ABHD8: variants seen among roughly 807,000 people sequenced by gnomAD.
The protein encoded by ABHD8 is abhydrolase domain containing 8.
Under a neutral mutation model 29.3 loss-of-function variants are expected in ABHD8, and 10 were observed. That is an observed-to-expected ratio of 0.34 (90% CI 0.21 to 0.58). ABHD8 has a LOEUF of 0.58. ABHD8 is among the 20% of genes least tolerant of loss of function. The pLI is 0.85. For synonymous variants in ABHD8, 282 were observed against 274.6 expected (o/e 1.03, Z -0.27); for missense variants, 556 against 615.3 (o/e 0.90, Z 1.02).
intron 2 of ABHD8, chr19:17,297,723 G>A (rs985973962): frequency 2.0e-5 from 3 of 148,088 alleles, no homozygotes; most frequent in Non-Finnish European, 4.5e-5. Flanking sequence ...AGATACTTAT[G>A]TAACTTCTTT....
intron 2 of ABHD8, among the ~76,000 whole-genome samples, chr19:17,299,829 T>G (rs1468501138): frequency 1.3e-5 from 2 of 152,136 alleles, no homozygotes. Flanking sequence ...TTTGCCATGT[T>G]GTCCAAACTC....
intron 1 of ABHD8, 145 bp downstream of exon 1, chr19:17,303,097 T>C (rs2074128646): frequency 6.6e-6 from 1 of 152,042 alleles, no homozygotes; most frequent in Admixed American, 6.5e-5. Flanking sequence ...GCCTTCCAGG[T>C]GTTCGTCATC....
intron 2 of ABHD8, among the ~76,000 whole-genome samples, chr19:17,298,756 T>TTTC (rs2074104010): frequency 6.8e-6 from 1 of 148,114 alleles, no homozygotes; most frequent in African/African-American, 2.5e-5. Context: ...TTTTTTTTTT[T>TTTC]TTTGGGCAGA....
At position 17,294,498 on chromosome 19, in the gene ABHD8, G is replaced by A; in HGVS notation, c.939C>T (p.Gly313=). Residue 313 remains glycine (G), a synonymous_variant, in exon 4 of 5, where the codon GGC becomes GGT. Transcript: ENST00000247706. ...PCLAWSFLKA[G]FARQGAKEKQ... is the part of the protein sequence containing the mutation. ...TCTCCTTGGCTCCTTGGCGGGCGAA[G>A]CCGGCCCTGGTGGTGGTGGAGGCAC... 1.2e-6 allele frequency: 2 copies of A among 1,613,830 alleles called. No individual in the cohort carries two copies. Among genetic ancestry groups the A allele is most frequent in the South Asian group, 1.1e-5 (1 of 91,080 alleles).
At chr19:17,293,534 G>A (rs2074080261) in intron 4 of ABHD8, among the ~76,000 whole-genome samples, 1 of 151,908 alleles carries the variant, frequency 6.6e-6, no homozygotes, top group Non-Finnish European at 1.5e-5. Context: ...AGGGTGTTGA[G>A]CAGCATCCCT....
In ABHD8 at chr19:17,294,803, T is replaced by C. The variant is rs117124277; in HGVS notation, c.804A>G (p.Leu268=). The C allele has an allele frequency of 2.7e-4, 442 of 1,614,096 alleles. 5 individuals carry two copies. In the East Asian group the frequency reaches 8.8e-3, roughly 32 times the overall value. Residue 268 remains leucine (L), a synonymous_variant, in exon 3 of 5, where the codon CTA becomes CTG. Coordinates refer to ENST00000247706, the MANE Select transcript of ABHD8 (RefSeq NM_024527.5). ...CATTGATCATGATCACCTTGTGCACTAGGTCTGGGTACTCATGTGCCAGGA... is the reference window on the plus strand; with the variant it reads ...CATTGATCATGATCACCTTGTGCACCAGGTCTGGGTACTCATGTGCCAGGA... ...CTFLAHEYPD[L]VHKVIMINGG... is the part of the protein sequence containing the mutation.
In ABHD8 at chr19:17,292,543, G is replaced by T; in HGVS notation, c.*118C>A. On this transcript the variant is annotated 3_prime_UTR_variant, in exon 5 of 5. Transcript: ENST00000247706. ...AGCCTGGGGGCGTCTCCCTGACCTG[G>T]CCCCGCCCACCGGAGCGAACGGCCC... The T allele has an allele frequency of 8.0e-7, 1 of 1,252,316 alleles. No homozygotes were observed. Among genetic ancestry groups the T allele is most frequent in the Non-Finnish European group, 1.1e-6 (1 of 947,608 alleles). 77.6% of individuals were successfully genotyped at this position (1,252,316 alleles called of 1,614,324 possible).
Position 17,294,522 on chromosome 19 carries a change from A to T in ABHD8, c.933-18T>A, listed in dbSNP as rs1220959719. ...AGCCGGCCCTGGTGGTGGTGGAGGC[A>T]CCGCTAGAGCCCCTTATGCCAGCCC... On this transcript the variant is annotated intron_variant, in intron 3 of 4. Coordinates refer to ENST00000247706, the MANE Select transcript of ABHD8 (RefSeq NM_024527.5). 6.2e-7 allele frequency: 1 copy of T among 1,613,516 alleles called. No homozygotes were observed. Among genetic ancestry groups the T allele is most frequent in the South Asian group, 1.1e-5 (1 of 91,062 alleles).
At chr19:17,300,193 C>A (rs1177280500) in intron 2 of ABHD8, among the ~76,000 whole-genome samples, 1 of 151,578 alleles carries the variant, frequency 6.6e-6, no homozygotes, top group African/African-American at 2.4e-5. Flanking sequence ...CGTGAGCCAC[C>A]GCGCCCGGAT....
Position 17,292,699 on chromosome 19 carries a change from G to T in ABHD8, c.1282C>A (p.Pro428Thr), listed in dbSNP as rs140486702. ...WEPEPSPKAL[P>T]EPLPAPPEDK... ...TCTGGAGGCGCCGGCAGTGGCTCCG[G>T]TAGAGCCTTGGGCGAGGGCTCGGGC... Residue 428 changes from proline to threonine, a missense_variant, in exon 5 of 5, where the codon CCG (proline) becomes ACG (threonine). By Grantham distance (38) the Pro-to-Thr change is conservative. Around this residue, in one of 2 missense-constraint regions of ABHD8, gnomAD observed 270 missense variants for 353.9 expected, o/e 0.76. Transcript: ENST00000247706. 169 of 1,612,814 alleles carry T rather than the reference G, an allele frequency of 1.0e-4. No homozygotes were observed. The African/African-American group carries it at 1.9e-3, about 18-fold the overall frequency.
rs1351804599 is a variant in ABHD8 at position 17,301,235 on chromosome 19, C to T, written c.382G>A (p.Asp128Asn). 5.0e-6 allele frequency: 8 copies of T among 1,591,438 alleles called. No individual in the cohort carries two copies. The South Asian group carries it at 5.6e-5, about 11-fold the overall frequency. The change falls in exon 2 of 5, where the codon GAT becomes AAT. Residue 128 changes from aspartate (D) to asparagine (N), a missense_variant. Coordinates refer to ENST00000247706, the MANE Select transcript of ABHD8 (RefSeq NM_024527.5). ...EVELADPAGS[D>N]GRLAPGSAGS... ...GCGCTGCCGGGGGCCAAGCGGCCAT[C>T]GCTGCCCGCCGGATCTGCCAGCTCC...
intron 2 of ABHD8, among the ~76,000 whole-genome samples, chr19:17,299,427 A>G (rs1406321937): frequency 2.0e-5 from 3 of 151,932 alleles, no homozygotes; most frequent in Non-Finnish European, 4.4e-5. Context: ...CAGGCATGGT[A>G]GCGGGTGCCT....
Position 17,292,703 on chromosome 19 carries a change from A to C in ABHD8, c.1278T>G (p.Ala426=). ...LLWEPEPSPK[A]LPEPLPAPPE... ...GAGGCGCCGGCAGTGGCTCCGGTAG[A>C]GCCTTGGGCGAGGGCTCGGGCTCCC... is the stretch of plus-strand genomic sequence containing the variant. Residue 426 remains alanine (A), a synonymous_variant, in exon 5 of 5, where the codon GCT becomes GCG. Coordinates refer to ENST00000247706, the MANE Select transcript of ABHD8 (RefSeq NM_024527.5). 1 of 1,612,968 alleles carries C rather than the reference A, an allele frequency of 6.2e-7. No homozygotes were observed. The highest frequency in any genetic ancestry group is 1.3e-5 in the African/African-American group (1 of 75,028).
intron 4 of ABHD8, 125 bp from the exon 5 acceptor site, chr19:17,292,956 G>T: frequency 9.2e-7 from 1 of 1,082,548 alleles, no homozygotes; most frequent in Non-Finnish European, 1.3e-6. Context: ...CATCTACCCT[G>T]CATCTCTCCA....
chr19:17,292,547 C>G lies in ABHD8; in HGVS notation c.*114G>C. On this transcript the variant is annotated 3_prime_UTR_variant, in exon 5 of 5. Coordinates refer to ENST00000247706, the MANE Select transcript of ABHD8 (RefSeq NM_024527.5). ...TGGGGGCGTCTCCCTGACCTGGCCCCGCCCACCGGAGCGAACGGCCCGCCC... is the reference window on the plus strand; with the variant it reads ...TGGGGGCGTCTCCCTGACCTGGCCCGGCCCACCGGAGCGAACGGCCCGCCC... The G allele has an allele frequency of 7.8e-7, 1 of 1,279,174 alleles. No individual in the cohort carries two copies. Among genetic ancestry groups the G allele is most frequent in the Non-Finnish European group, 1.0e-6 (1 of 972,544 alleles). The allele number at this position is 1,279,174 out of a possible 1,614,324, so 79.2% of individuals were successfully genotyped here. A position where few individuals can be genotyped will look rare whatever the true frequency, so the allele number is the denominator to read the frequency against.
intron 2 of ABHD8, among the ~76,000 whole-genome samples, chr19:17,300,200 G>T (rs1027345939): frequency 6.6e-6 from 1 of 151,390 alleles, no homozygotes; most frequent in East Asian, 1.9e-4. Flanking sequence ...CACCGCGCCC[G>T]GATTTTTTTT....
In ABHD8 at chr19:17,301,637, A is replaced by T; in HGVS notation, c.-8-13T>A. On this transcript the variant is annotated splice_polypyrimidine_tract_variant and intron_variant, in intron 1 of 4. Coordinates refer to ENST00000247706, the MANE Select transcript of ABHD8 (RefSeq NM_024527.5). ...AGCATGGTGTGTCCTGTGAGTGAGG[A>T]CAGCAGCCAGTTCAGGTGCTGTCTC... The T allele has an allele frequency of 6.6e-7, 1 of 1,521,280 alleles. No homozygotes were observed. The highest frequency in any genetic ancestry group is 1.3e-5 in the South Asian group (1 of 79,312). 94.2% of individuals were successfully genotyped at this position (1,521,280 alleles called of 1,614,324 possible).
In ABHD8 at chr19:17,295,090, A is replaced by ATTTTTT. The variant is rs779607230; in HGVS notation, c.762-251_762-246dup. Among the ~76,000 whole-genome samples the ATTTTTT allele has an allele frequency of 5.7e-4, 46 of 80,414 alleles. 3 individuals are homozygous for ATTTTTT. Among genetic ancestry groups the ATTTTTT allele is most frequent in the African/African-American group, 1.2e-3 (25 of 20,338 alleles). The allele number at this position is 80,414 out of a possible 152,430, so 52.8% of individuals were successfully genotyped here. On this transcript the variant is annotated intron_variant, in intron 2 of 4. Transcript: ENST00000247706. ...AGGCGCACACCACCACACCCAGGTAATTTTTTTTTTTTTTTTTTTTTTTTT... is the reference window on the plus strand; with the variant it reads ...AGGCGCACACCACCACACCCAGGTAATTTTTTTTTTTTTTTTTTTTTTTTTTTTTTT...
At position 17,303,369 on chromosome 19, in the gene ABHD8, CTG is replaced by C. The variant is rs1265729589; in HGVS notation, c.-138_-137del. 1 of 152,236 alleles carries C rather than the reference CTG, an allele frequency of 6.6e-6. No homozygotes were observed. The highest frequency in any genetic ancestry group is 1.9e-4 in the East Asian group (1 of 5,198). The allele number at this position is 152,236 out of a possible 1,614,324, so 9.4% of individuals were successfully genotyped here. ...CGGGTGCGTCTACGCGGGCGGGCACCTGCCCCTGGCGGTCAGCGCAGGGGCAT... is the reference window on the plus strand; with the variant it reads ...CGGGTGCGTCTACGCGGGCGGGCACCCCCCTGGCGGTCAGCGCAGGGGCAT... On this transcript the variant is annotated 5_prime_UTR_variant, in exon 1 of 5. Coordinates refer to ENST00000247706, the MANE Select transcript of ABHD8 (RefSeq NM_024527.5).
Sources: gnomAD v4.1 joint callset for allele counts (sites outside exome capture counted in the v4.1 genomes callset) on GRCh38, gnomAD v4.1.1 for gene constraint, gnomAD v4.1.1 regional missense constraint, MANE v1.5 for transcripts, NCBI Gene and HGNC (gene_info 2026-07-23, HGNC 2026-07-21) for gene names.